FN1: variants seen among roughly 807,000 people sequenced by gnomAD.
FN1 encodes the protein fibronectin 1, also known as fibronectin.
In FN1, 106 loss-of-function variants were observed where a neutral mutation model predicts 297.3. The observed-to-expected ratio is 0.36, with a 90% confidence interval of 0.30 to 0.42. FN1 has a LOEUF of 0.42. Among genes scored for constraint, FN1 ranks in the 10% least tolerant of loss-of-function variants. The probability of loss-of-function intolerance (pLI) is 1.00; values close to 1 mark genes in which losing one functional copy is unlikely to be tolerated. For missense variants in FN1, 2,690 were observed against 3,124.9 expected, an observed-to-expected ratio of 0.86 and a Z score of 3.32; for synonymous variants, 1,149 against 1,152.6, an observed-to-expected ratio of 1.00 and a Z score of 0.06.
At chr2:215,420,596 T>C in intron 11 of FN1, 77 bp downstream of exon 11, 2 of 1,579,402 alleles carry the variant, frequency 1.3e-6, no homozygotes, top group Non-Finnish European at 8.7e-7. Flanking sequence ...TCATGTGATT[T>C]CACATAGCTT....
chr2:215,361,681 A>C, intron 45 of FN1, 55 bp from the exon 46 acceptor site: 1 of 1,359,730 alleles, frequency 7.4e-7, no homozygotes, highest in Non-Finnish European at 1.1e-6. Flanking sequence ...TAAAGTGTAC[A>C]GAAAAAAAAA....
At chr2:215,416,577 A>T (rs929182013) in intron 12 of FN1, among the ~76,000 whole-genome samples, 2 of 152,202 alleles carry the variant, frequency 1.3e-5, no homozygotes, top group African/African-American at 4.8e-5. Flanking sequence ...GGGCTATTTA[A>T]ATATTGATCC....
chr2:215,375,999 G>A (rs1395735343), intron 36 of FN1, among the ~76,000 whole-genome samples: 1 of 152,180 alleles, frequency 6.6e-6, no homozygotes, highest in Non-Finnish European at 1.5e-5. Context: ...CAGAATGGGG[G>A]TCAGCCACTT....
chr2:215,425,717 T>C (rs2065207858), intron 6 of FN1, among the ~76,000 whole-genome samples: 2 of 152,014 alleles, frequency 1.3e-5, no homozygotes, highest in Non-Finnish European at 2.9e-5. Flanking sequence ...CATGCCCAGC[T>C]GATTTTTTTT....
chr2:215,425,051 T>C, intron 7 of FN1, 43 bp downstream of exon 7: 1 of 1,554,554 alleles, frequency 6.4e-7, no homozygotes, highest in Middle Eastern at 1.7e-4. Flanking sequence ...AAAAACTAAA[T>C]AATAAAGTCA....
chr2:215,414,799 G>C (rs773527269), intron 13 of FN1, 38 bp downstream of exon 13: 6 of 1,613,218 alleles, frequency 3.7e-6, no homozygotes, highest in Non-Finnish European at 5.1e-6. Context: ...ATAAGATTAG[G>C]AGACTCAGTA....
At position 215,399,346 on chromosome 2, in the gene FN1, G is replaced by T; in HGVS notation, c.3259C>A (p.Pro1087Thr). Residue 1087 changes from proline (P) to threonine (T), a missense_variant, in exon 21 of 46, where the codon CCT becomes ACT. Pro to Thr is a conservative substitution (Grantham distance 38, BLOSUM62 -1). Coordinates refer to ENST00000354785, the MANE Select transcript of FN1 (RefSeq NM_212482.4). ...TTGTAAGGTGGAATAGAGCTCCCAG[G>T]CTGCACTGTGAGAGAGAATCAATGC... ...KATGVFTTLQ[P>T]GSSIPPYNTE... The T allele has an allele frequency of 6.2e-7, 1 of 1,610,018 alleles. No homozygotes were observed. Among genetic ancestry groups the T allele is most frequent in the Non-Finnish European group, 8.5e-7 (1 of 1,176,312 alleles).
Position 215,399,343 on chromosome 2 carries a change from C to A in FN1, c.3262G>T (p.Gly1088Trp), listed in dbSNP as rs777520998. The A allele has an allele frequency of 1.2e-6, 2 of 1,611,794 alleles. No homozygotes were observed. Among genetic ancestry groups the A allele is most frequent in the African/African-American group, 2.7e-5 (2 of 74,856 alleles). ...ATGVFTTLQPGSSIPPYNTEV... is the reference protein window; with the variant it reads ...ATGVFTTLQPWSSIPPYNTEV... The stretch of plus-strand genomic sequence containing the variant: ...GTGTTGTAAGGTGGAATAGAGCTCC[C>A]AGGCTGCACTGTGAGAGAGAATCAA... The change falls in exon 21 of 46, where the codon GGG becomes TGG. Residue 1088 changes from glycine to tryptophan, a missense_variant. By Grantham distance (184) the Gly-to-Trp change is radical. Transcript: ENST00000354785.
chr2:215,390,854 T>C (rs2059632020), intron 26 of FN1, among the ~76,000 whole-genome samples: 1 of 152,260 alleles, frequency 6.6e-6, no homozygotes, highest in Non-Finnish European at 1.5e-5. Context: ...TAATACTTGG[T>C]AATGTACCTA....
Position 215,431,393 on chromosome 2 carries a change from A to C in FN1, c.547+440T>G, listed in dbSNP as rs769169133. ...TTCAACTGAGGATTGAGATCCAAAG[A>C]AGCTCAACAACTTTTAATTTGAAAA... On this transcript the variant is annotated intron_variant, in intron 4 of 45. Transcript: ENST00000354785. 2.6e-5 allele frequency among the ~76,000 whole-genome samples: 4 copies of C among 152,234 alleles called. No homozygotes were observed. In the East Asian group the frequency reaches 5.8e-4, roughly 22 times the overall value.
At chr2:215,397,939 T>A in intron 21 of FN1, 91 bp from the exon 22 acceptor site, 2 of 1,127,560 alleles carry the variant, frequency 1.8e-6, no homozygotes, top group Non-Finnish European at 1.3e-6. Context: ...TTAAATAGTG[T>A]AAACTCTTCA....
In FN1 at chr2:215,381,062, C is replaced by A; in HGVS notation, c.5183G>T (p.Gly1728Val). Residue 1728 changes from glycine to valine, a missense_variant, in exon 33 of 46, where the codon GGA becomes GTA. Transcript: ENST00000354785. ...TAVTNIDRPKGLAFTDVDVDS... is the reference protein window; with the variant it reads ...TAVTNIDRPKVLAFTDVDVDS... ...GACATCCACATCAGTGAATGCCAGTCCTTTAGGGCGATCAATGTCTGTTAG... is the reference window on the plus strand; with the variant it reads ...GACATCCACATCAGTGAATGCCAGTACTTTAGGGCGATCAATGTCTGTTAG... 6.2e-7 allele frequency: 1 copy of A among 1,614,150 alleles called. No homozygotes were observed. The highest frequency in any genetic ancestry group is 8.5e-7 in the Non-Finnish European group (1 of 1,179,996).
chr2:215,385,299 C>T (rs376997550), intron 28 of FN1, among the ~76,000 whole-genome samples: 4 of 150,202 alleles, frequency 2.7e-5, no homozygotes, highest in East Asian at 3.9e-4. Context: ...TGGTGGCTCA[C>T]GCCTGTAATC....
chr2:215,394,408 G>T, intron 24 of FN1, 120 bp downstream of exon 24: 1 of 904,658 alleles, frequency 1.1e-6, no homozygotes, highest in Non-Finnish European at 1.8e-6. Flanking sequence ...AAGTGCAGCT[G>T]GGAGATCGGA....
rs1237989906 is a variant in FN1 at position 215,380,797 on chromosome 2, A to C, written c.5434+14T>G. 3 of 1,612,510 alleles carry C rather than the reference A, an allele frequency of 1.9e-6. No homozygotes were observed. The highest frequency in any genetic ancestry group is 3.3e-5 in the Admixed American group (2 of 60,026). On this transcript the variant is annotated intron_variant, in intron 33 of 45. Transcript: ENST00000354785. ...TGCTCCCATGGGCACCTGGTGGTGC[A>C]ATTAACCATATACCTGTGGACTGGG...
chr2:215,411,044 C>G (rs1016206682), intron 13 of FN1, among the ~76,000 whole-genome samples: 2 of 152,194 alleles, frequency 1.3e-5, no homozygotes, highest in African/African-American at 4.8e-5. Context: ...ATACCAGGTT[C>G]AACGAGTCTG....
intron 6 of FN1, 136 bp from the exon 7 acceptor site, chr2:215,425,421 A>G: frequency 2.3e-6 from 2 of 869,026 alleles, no homozygotes; most frequent in Non-Finnish European, 3.8e-6. Flanking sequence ...CTGGAAAAAA[A>G]TGTCCCTTAT....
chr2:215,362,084 G>A lies in FN1; in HGVS notation c.7252-5C>T, dbSNP rs775329459. 1.9e-6 allele frequency: 3 copies of A among 1,609,458 alleles called. No individual in the cohort carries two copies. The highest frequency in any genetic ancestry group is 1.1e-5 in the South Asian group (1 of 90,918). ...GCAGTTGTCACAGCGCCAGCCCTGAGAGAGTAGAGGCATGAAGTCAAATGG... is the reference window on the plus strand; with the variant it reads ...GCAGTTGTCACAGCGCCAGCCCTGAAAGAGTAGAGGCATGAAGTCAAATGG... On this transcript the variant is annotated splice_polypyrimidine_tract_variant and splice_region_variant and intron_variant, in intron 44 of 45. Transcript: ENST00000354785.
intron 43 of FN1, 65 bp from the exon 44 acceptor site, chr2:215,365,050 G>C (rs2054257801): frequency 9.5e-7 from 1 of 1,055,214 alleles, no homozygotes; most frequent in African/African-American, 1.6e-5. Context: ...TTGATCTAGG[G>C]GTGGGTTCTA....
Sources: allele counts gnomAD v4.1 joint callset (sites outside exome capture counted in the v4.1 genomes callset), GRCh38; gene constraint gnomAD v4.1.1; transcripts MANE v1.5; gene names NCBI Gene and HGNC (gene_info 2026-07-23, HGNC 2026-07-21).